The following ADGRL2 variants were observed in gnomAD, a reference collection of about 807,000 sequenced individuals.
The protein encoded by ADGRL2 is calcium-independent alpha-latrotoxin receptor 2.
In ADGRL2, 44 loss-of-function variants were observed where a neutral mutation model predicts 157.4. The ratio of observed to expected loss-of-function variants is 0.28; its 90% CI spans 0.22 to 0.36. ADGRL2 has a LOEUF of 0.36. Among genes scored for constraint, ADGRL2 ranks in the 10% least tolerant of loss-of-function variants. ADGRL2 has a pLI of 1.00. For synonymous variants in ADGRL2, 585 were observed against 624.7 expected (o/e 0.94, Z 0.95); for missense variants, 1,510 against 1,768.9 (o/e 0.85, Z 2.63).
At chr1:81,908,507 T>C (rs2148343241) in intron 3 of ADGRL2, among the ~76,000 whole-genome samples, 1 of 152,314 alleles carries the variant, frequency 6.6e-6, no homozygotes, top group South Asian at 2.1e-4. Context: ...GAAGGACATA[T>C]AGGTAGTTTT....
intron 2 of ADGRL2, among the ~76,000 whole-genome samples, chr1:81,560,734 G>A (rs949612891): frequency 3.3e-5 from 5 of 152,044 alleles, no homozygotes; most frequent in African/African-American, 7.2e-5. Flanking sequence ...GAGGGGGAGC[G>A]GGCCGCAGAA....
chr1:81,707,075 C>A (rs537586886), intron 1 of ADGRL2, among the ~76,000 whole-genome samples: 4 of 152,230 alleles, frequency 2.6e-5, no homozygotes, highest in African/African-American at 9.6e-5. Context: ...CTTGGTCTGC[C>A]GCGCTATTTT....
intron 2 of ADGRL2, among the ~76,000 whole-genome samples, chr1:81,847,444 A>G (rs1467452030): frequency 6.6e-6 from 1 of 151,998 alleles, no homozygotes; most frequent in East Asian, 1.9e-4. Flanking sequence ...TTTACATGAC[A>G]GTGACTTCCG....
intron 2 of ADGRL2, among the ~76,000 whole-genome samples, chr1:81,762,756 A>T (rs1213071202): frequency 6.6e-6 from 1 of 152,140 alleles, no homozygotes; most frequent in Non-Finnish European, 1.5e-5. Context: ...TTGGGCTTAG[A>T]AAAAAGACAC....
intron 2 of ADGRL2, among the ~76,000 whole-genome samples, chr1:81,547,286 G>C (rs992629922): frequency 4.6e-5 from 7 of 152,152 alleles, no homozygotes; most frequent in African/African-American, 1.7e-4. Context: ...AAAACCCCCA[G>C]TAGTTAAGCA....
chr1:81,734,798 C>A (rs2084842023), intron 1 of ADGRL2, among the ~76,000 whole-genome samples: 1 of 148,966 alleles, frequency 6.7e-6, no homozygotes, highest in South Asian at 2.2e-4. Flanking sequence ...CTTTGGGAGG[C>A]CGAAGTGGAT....
intron 1 of ADGRL2, among the ~76,000 whole-genome samples, chr1:81,739,264 C>T (rs1253438018): frequency 1.3e-5 from 2 of 152,318 alleles, no homozygotes; most frequent in African/African-American, 2.4e-5. Flanking sequence ...GCTCTGTGAC[C>T]TTATGCAAAT....
chr1:81,898,161 A>G (rs1189554220), intron 2 of ADGRL2, among the ~76,000 whole-genome samples: 1 of 152,166 alleles, frequency 6.6e-6, no homozygotes. Flanking sequence ...ACATAAAACT[A>G]AGGCATATCA....
At chr1:81,873,734 A>AT (rs777762552) in intron 2 of ADGRL2, among the ~76,000 whole-genome samples, 2 of 152,268 alleles carry the variant, frequency 1.3e-5, no homozygotes, top group Middle Eastern at 3.4e-3. Context: ...AATGAGGTCA[A>AT]TTAAGGTGTA....
chr1:81,358,307 G>C (rs1200719634), intron 1 of ADGRL2, among the ~76,000 whole-genome samples: 1 of 152,180 alleles, frequency 6.6e-6, no homozygotes, highest in African/African-American at 2.4e-5. Flanking sequence ...AAGGTGCAGT[G>C]AAGGAAAGTG....
intron 3 of ADGRL2, among the ~76,000 whole-genome samples, chr1:81,914,996 T>A (rs2094821821): frequency 6.6e-6 from 1 of 152,126 alleles, no homozygotes; most frequent in East Asian, 1.9e-4. Context: ...TTTGAAATGG[T>A]TTAGAAGATA....
At chr1:81,445,342 C>T (rs2077579820) in intron 2 of ADGRL2, among the ~76,000 whole-genome samples, 1 of 152,192 alleles carries the variant, frequency 6.6e-6, no homozygotes, top group South Asian at 2.1e-4. Context: ...GTCTACCTAT[C>T]TAGATTTCTT....
At chr1:81,873,793 A>G (rs975313482) in intron 2 of ADGRL2, among the ~76,000 whole-genome samples, 22 of 152,146 alleles carry the variant, frequency 1.4e-4, no homozygotes, top group African/African-American at 3.4e-4. Context: ...TCTAATTCTT[A>G]CCAACAAACA....
chr1:81,335,842 AAAAAAACAAAAAAC>A (rs1256049820), intron 1 of ADGRL2, among the ~76,000 whole-genome samples: 1 of 151,988 alleles, frequency 6.6e-6, no homozygotes, highest in South Asian at 2.1e-4. Flanking sequence ...TTTAAAAAAA[AAAAAAACAAAAAAC>A]AAAAAACAAA....
chr1:81,603,911 T>G (rs2081381320), intron 3 of ADGRL2, among the ~76,000 whole-genome samples: 1 of 152,138 alleles, frequency 6.6e-6, no homozygotes, highest in African/African-American at 2.4e-5. Flanking sequence ...ATCAAATGAA[T>G]GTGTTTTAAC....
chr1:81,574,231 G>C (rs1055144515), intron 2 of ADGRL2, among the ~76,000 whole-genome samples: 4 of 151,730 alleles, frequency 2.6e-5, no homozygotes, highest in African/African-American at 7.3e-5. Flanking sequence ...TGGTGGGGGA[G>C]GGGGAGGGGG....
chr1:81,863,773 A>G (rs746049965), intron 2 of ADGRL2, among the ~76,000 whole-genome samples: 2 of 152,208 alleles, frequency 1.3e-5, no homozygotes, highest in African/African-American at 2.4e-5. Context: ...TGATTTGTAC[A>G]TATTTAGCTG....
intron 1 of ADGRL2, among the ~76,000 whole-genome samples, chr1:81,830,611 G>T (rs980142022): frequency 5.9e-4 from 90 of 152,010 alleles, no homozygotes; most frequent in African/African-American, 2.1e-3. Context: ...GGGTTCAAGC[G>T]ATTCTCCTGC....
intron 15 of ADGRL2, among the ~76,000 whole-genome samples, chr1:81,969,758 G>T (rs1017873093): frequency 1.3e-5 from 2 of 152,000 alleles, no homozygotes; most frequent in Non-Finnish European, 2.9e-5. Flanking sequence ...TCATCATGAG[G>T]TCTTAATATC....
Sources: allele counts gnomAD v4.1 joint callset (sites outside exome capture counted in the v4.1 genomes callset), GRCh38; gene constraint gnomAD v4.1.1; transcripts MANE v1.5; gene names NCBI Gene and HGNC (gene_info 2026-07-23, HGNC 2026-07-21).